LRP1B: variants seen among roughly 807,000 people sequenced by gnomAD.
The protein encoded by LRP1B is LDL receptor related protein 1B.
LRP1B carries 217 observed loss-of-function variants against 556.6 expected under a neutral mutation model. The observed-to-expected ratio is 0.39, with a 90% CI of 0.35 to 0.44. The LOEUF is 0.44. Ranked by LOEUF, LRP1B falls within the 20% of genes least tolerant of loss-of-function variation. The pLI, the probability that LRP1B is intolerant of heterozygous loss-of-function variation, is 1.00. For missense variants in LRP1B, 5,053 were observed against 5,620.8 expected (o/e 0.90, Z 3.23); for synonymous variants, 2,047 against 1,865.8 (o/e 1.10, Z -2.50).
chr2:141,124,025 G>C (rs1247193676), intron 7 of LRP1B, among the ~76,000 whole-genome samples: 2 of 152,092 alleles, frequency 1.3e-5, no homozygotes, highest in Non-Finnish European at 2.9e-5. Context: ...AAGAGGGAGA[G>C]AGAATATGAG....
In LRP1B at chr2:140,457,474, C is replaced by G. The variant is rs2105323668; in HGVS notation, c.9803G>C (p.Arg3268Thr). The G allele has an allele frequency of 6.2e-7, 1 of 1,611,578 alleles. No individual in the cohort carries two copies. Among genetic ancestry groups the G allele is most frequent in the Non-Finnish European group, 8.5e-7 (1 of 1,177,916 alleles). ...ITDIQVYHSY[R>T]QPDVSKHLCM... The stretch of plus-strand genomic sequence containing the variant: ...GAAAGAATAATTACCATCAGGTTGT[C>G]TATAAGAATGATACACCTGGATATC... The change falls in exon 61 of 91, where the codon AGA becomes ACA. Residue 3268 changes from arginine to threonine, a missense_variant. Physicochemically the swap from Arg to Thr is moderately conservative, Grantham distance 71. Transcript: ENST00000389484.
intron 1 of LRP1B, among the ~76,000 whole-genome samples, chr2:141,962,146 A>G (rs1701419241): frequency 6.6e-6 from 1 of 151,760 alleles, no homozygotes; most frequent in African/African-American, 2.4e-5. Context: ...TGTTATCTGG[A>G]TAGAAAGGCA....
intron 41 of LRP1B, among the ~76,000 whole-genome samples, chr2:140,610,958 G>A (rs1249953979): frequency 1.3e-5 from 2 of 152,298 alleles, no homozygotes; most frequent in South Asian, 4.1e-4. Context: ...TATTATGTGA[G>A]TTAACATTTG....
intron 35 of LRP1B, among the ~76,000 whole-genome samples, chr2:140,752,322 CTTTT>C (rs34686176): frequency 6.6e-5 from 9 of 135,990 alleles, no homozygotes; most frequent in Non-Finnish European, 3.1e-5. Flanking sequence ...ACTTAAAATA[CTTTT>C]TTTTTTTTTT....
At chr2:141,975,191 A>G (rs554571712) in intron 1 of LRP1B, among the ~76,000 whole-genome samples, 1 of 152,120 alleles carries the variant, frequency 6.6e-6, no homozygotes, top group East Asian at 1.9e-4. Context: ...TGTGTCTGAT[A>G]CTGGTAACTT....
At position 141,428,611 on chromosome 2, in the gene LRP1B, T is replaced by A. The variant is rs141341934; in HGVS notation, c.343+51785A>T. On this transcript the variant is annotated intron_variant, in intron 3 of 90. Transcript: ENST00000389484. ...AATTGTCTAATATGTTTTCTGCTCC[T>A]CAGAGGTTCAGCTTAGGTCCTGAGA... 9.1e-4 allele frequency among the ~76,000 whole-genome samples: 138 copies of A among 152,286 alleles called. 1 individual carries two copies. The highest frequency in any genetic ancestry group is 1.2e-3 in the Admixed American group (18 of 15,288).
chr2:141,735,763 C>T (rs1433373790), intron 2 of LRP1B, among the ~76,000 whole-genome samples: 1 of 151,936 alleles, frequency 6.6e-6, no homozygotes, highest in Non-Finnish European at 1.5e-5. Flanking sequence ...TCCATTCTTC[C>T]GAACATCCAA....
At chr2:140,378,419 G>A in intron 67 of LRP1B, 133 bp from the exon 68 acceptor site, 1 of 561,656 alleles carries the variant, frequency 1.8e-6, no homozygotes, top group Non-Finnish European at 3.2e-6. Flanking sequence ...ATATTGTTTA[G>A]GAAAAATCTC....
At chr2:140,729,274 GCA>G in intron 35 of LRP1B, among the ~76,000 whole-genome samples, 1 of 152,184 alleles carries the variant, frequency 6.6e-6, no homozygotes, top group Non-Finnish European at 1.5e-5. Flanking sequence ...TGATTTGGAT[GCA>G]CAGAGGCAAC....
chr2:142,068,600 CTTAAT>C (rs1222564314), intron 1 of LRP1B, among the ~76,000 whole-genome samples: 1 of 151,200 alleles, frequency 6.6e-6, no homozygotes, highest in Non-Finnish European at 1.5e-5. Context: ...CACAATTTTC[CTTAAT>C]TTAACTCCCT....
chr2:140,412,840 T>G (rs1457829816), intron 66 of LRP1B, among the ~76,000 whole-genome samples: 2 of 152,088 alleles, frequency 1.3e-5, no homozygotes, highest in Admixed American at 6.6e-5. Context: ...TACTGAAGAT[T>G]TCTTGCCATT....
chr2:141,518,019 C>T (rs1018004910), intron 2 of LRP1B, among the ~76,000 whole-genome samples: 7 of 152,002 alleles, frequency 4.6e-5, no homozygotes, highest in African/African-American at 1.7e-4. Context: ...GAAGACCTGG[C>T]ATGTTCCCTG....
chr2:142,086,189 A>T (rs1350310864), intron 1 of LRP1B, among the ~76,000 whole-genome samples: 1 of 152,144 alleles, frequency 6.6e-6, no homozygotes, highest in Non-Finnish European at 1.5e-5. Context: ...CTATTAGTCA[A>T]CCTTTTCACA....
At chr2:140,470,434 G>A (rs894075987) in intron 60 of LRP1B, among the ~76,000 whole-genome samples, 76 of 151,836 alleles carry the variant, frequency 5.0e-4, no homozygotes, top group South Asian at 6.3e-4. Context: ...TCAAGAGGTC[G>A]GGAGATCAAG....
In LRP1B at chr2:140,370,745, C is replaced by T. The variant is rs1225328794; in HGVS notation, c.10973G>A (p.Cys3658Tyr). 2 of 1,612,878 alleles carry T rather than the reference C, an allele frequency of 1.2e-6. No individual in the cohort carries two copies. The highest frequency in any genetic ancestry group is 1.3e-5 in the African/African-American group (1 of 74,966). The change falls in exon 71 of 91, where the codon TGT (cysteine) becomes TAT (tyrosine). Residue 3658 changes from cysteine (C) to tyrosine (Y), a missense_variant. Transcript: ENST00000389484. ...GTTCTCTTCATCACTGCCATCCACA[C>T]AGTCATGAATTCCATCACACAGCCA... is the stretch of plus-strand genomic sequence containing the variant. ...IRWLCDGIHD[C>Y]VDGSDEENCE...
intron 1 of LRP1B, among the ~76,000 whole-genome samples, chr2:141,902,270 T>C (rs779452511): frequency 4.6e-5 from 7 of 151,820 alleles, no homozygotes; most frequent in Non-Finnish European, 7.4e-5. Context: ...ATTCACATCC[T>C]ACTAAAAGAT....
chr2:140,670,212 T>G (rs1177283810), intron 41 of LRP1B, among the ~76,000 whole-genome samples: 2 of 152,192 alleles, frequency 1.3e-5, no homozygotes, highest in Non-Finnish European at 2.9e-5. Flanking sequence ...AAAATTAATG[T>G]TTGCATTTAT....
intron 32 of LRP1B, among the ~76,000 whole-genome samples, chr2:140,809,024 G>A (rs937224212): frequency 4.0e-5 from 6 of 151,748 alleles, no homozygotes; most frequent in Non-Finnish European, 7.4e-5. Flanking sequence ...GGTGTTGGCT[G>A]CCTTAATTCC....
At chr2:140,872,373 T>C (rs1693166108) in intron 25 of LRP1B, among the ~76,000 whole-genome samples, 1 of 145,184 alleles carries the variant, frequency 6.9e-6, no homozygotes, top group African/African-American at 2.6e-5. Context: ...TTTTTTTTTT[T>C]TTTTTTTTTT....
Sources: allele counts gnomAD v4.1 joint callset (sites outside exome capture counted in the v4.1 genomes callset), GRCh38; gene constraint gnomAD v4.1.1; transcripts MANE v1.5; gene names NCBI Gene and HGNC (gene_info 2026-07-23, HGNC 2026-07-21).